The following GALNT13 variants were observed in gnomAD, a reference collection of about 807,000 sequenced individuals.
The protein encoded by GALNT13 is polypeptide N-acetylgalactosaminyltransferase 13.
In GALNT13, 28 loss-of-function variants were observed where a neutral mutation model predicts 64.2. That is an observed-to-expected ratio of 0.44 (90% CI 0.32 to 0.60). GALNT13 has a LOEUF of 0.60. Ranked by LOEUF, GALNT13 falls within the 20% of genes least tolerant of loss-of-function variation. The pLI, the probability that GALNT13 is intolerant of heterozygous loss-of-function variation, is 0.05. For synonymous variants in GALNT13, 214 were observed against 224.6 expected (o/e 0.95, Z 0.42); for missense variants, 577 against 669.8 (o/e 0.86, Z 1.53).
At chr2:153,553,239 G>GTGGTGGCTCACACC in the GALNT13 span, among the ~76,000 whole-genome samples, 19,828 of 152,128 alleles carry the variant, frequency 0.13, 2,463 homozygotes, top group East Asian at 0.4. Context: ...TTGGCCACAT[G>GTGGTGGCTCACACC]TGTAATCCCA....
chr2:153,788,888 C>T, the GALNT13 span, among the ~76,000 whole-genome samples: 1 of 152,122 alleles, frequency 6.6e-6, no homozygotes, highest in African/African-American at 2.4e-5. Flanking sequence ...TTCAATTCAA[C>T]AAGAAGACCT....
the GALNT13 span, among the ~76,000 whole-genome samples, chr2:153,636,689 G>A: frequency 6.6e-6 from 1 of 152,062 alleles, no homozygotes; most frequent in Non-Finnish European, 1.5e-5. Context: ...TTCTAGTAGG[G>A]CCAGGGCTCT....
chr2:153,177,092 T>C, the GALNT13 span, among the ~76,000 whole-genome samples: 1 of 136,888 alleles, frequency 7.3e-6, no homozygotes, highest in Non-Finnish European at 1.7e-5. Context: ...TGTAGGTAAG[T>C]ACAAATAGCA....
At chr2:153,866,477 A>G in the GALNT13 span, among the ~76,000 whole-genome samples, 1 of 152,190 alleles carries the variant, frequency 6.6e-6, no homozygotes, top group Admixed American at 6.5e-5. Flanking sequence ...AAATATATAC[A>G]AATCACCGTC....
At chr2:153,666,745 G>C in the GALNT13 span, among the ~76,000 whole-genome samples, 2 of 152,186 alleles carry the variant, frequency 1.3e-5, no homozygotes, top group African/African-American at 2.4e-5. Flanking sequence ...GCTCTGGCAA[G>C]TTAAAAGCCA....
At chr2:154,159,800 G>A (rs1415433090) in intron 4 of GALNT13, among the ~76,000 whole-genome samples, 3 of 152,112 alleles carry the variant, frequency 2.0e-5, no homozygotes, top group African/African-American at 4.8e-5. Context: ...TGTAATTGAG[G>A]TAGTCGGAAT....
At chr2:153,244,628 G>T in the GALNT13 span, among the ~76,000 whole-genome samples, 6 of 152,334 alleles carry the variant, frequency 3.9e-5, no homozygotes, top group East Asian at 1.2e-3. Context: ...CATGGTTTTT[G>T]TCTGGAGATC....
the GALNT13 span, among the ~76,000 whole-genome samples, chr2:153,672,156 T>G: frequency 3.3e-5 from 5 of 152,136 alleles, no homozygotes; most frequent in African/African-American, 1.2e-4. Context: ...GACAGAAAAT[T>G]AACAAGGATA....
chr2:153,201,216 A>G, the GALNT13 span, among the ~76,000 whole-genome samples: 1 of 152,170 alleles, frequency 6.6e-6, no homozygotes, highest in Non-Finnish European at 1.5e-5. Flanking sequence ...CTAGCCCTGT[A>G]GATGTGGCAA....
chr2:153,384,399 C>T, the GALNT13 span, among the ~76,000 whole-genome samples: 1 of 151,996 alleles, frequency 6.6e-6, no homozygotes, highest in Non-Finnish European at 1.5e-5. Flanking sequence ...AGGGACTACC[C>T]TTAGAAGCAG....
intron 10 of GALNT13, among the ~76,000 whole-genome samples, chr2:154,401,515 T>A (rs961252141): frequency 6.6e-6 from 1 of 152,152 alleles, no homozygotes; most frequent in Non-Finnish European, 1.5e-5. Flanking sequence ...ATGTCACCCT[T>A]TATTGGATGG....
chr2:153,836,128 CTA>C, the GALNT13 span, among the ~76,000 whole-genome samples: 1 of 151,994 alleles, frequency 6.6e-6, no homozygotes, highest in African/African-American at 2.4e-5. Flanking sequence ...GCAATCTCAG[CTA>C]TGTCTTTGAC....
At chr2:153,913,728 G>C (rs1370117072) in intron 2 of GALNT13, among the ~76,000 whole-genome samples, 1 of 152,122 alleles carries the variant, frequency 6.6e-6, no homozygotes, top group Admixed American at 6.5e-5. Flanking sequence ...CCAGGAATAA[G>C]TCCTGGTGAA....
the GALNT13 span, among the ~76,000 whole-genome samples, chr2:153,662,684 C>T: frequency 6.6e-6 from 1 of 152,104 alleles, no homozygotes; most frequent in African/African-American, 2.4e-5. Flanking sequence ...AATCAAATTG[C>T]CTCTCTGTAG....
the GALNT13 span, among the ~76,000 whole-genome samples, chr2:153,657,488 C>T: frequency 6.6e-6 from 1 of 151,914 alleles, no homozygotes; most frequent in East Asian, 1.9e-4. Flanking sequence ...CTGATTTCAC[C>T]CCCATTTTAC....
the GALNT13 span, among the ~76,000 whole-genome samples, chr2:153,093,909 T>C: frequency 2.0e-5 from 3 of 152,170 alleles, no homozygotes; most frequent in Admixed American, 2.0e-4. Context: ...TCTTGCTAGG[T>C]TGTGTGTATC....
chr2:154,041,637 T>C (rs1459839564), intron 3 of GALNT13, among the ~76,000 whole-genome samples: 1 of 140,778 alleles, frequency 7.1e-6, no homozygotes, highest in African/African-American at 2.4e-5. Context: ...GGGCATTCTG[T>C]TAAGAATATA....
chr2:153,551,356 A>C, the GALNT13 span, among the ~76,000 whole-genome samples: 1 of 152,200 alleles, frequency 6.6e-6, no homozygotes, highest in African/African-American at 2.4e-5. Flanking sequence ...CTGAGGAGTG[A>C]CATGATATGA....
At chr2:153,086,429 G>A in the GALNT13 span, among the ~76,000 whole-genome samples, 2 of 152,142 alleles carry the variant, frequency 1.3e-5, no homozygotes, top group Non-Finnish European at 2.9e-5. Context: ...GGGGCCAGGT[G>A]TACATAATTG....
Sources: gnomAD v4.1 joint callset for allele counts (sites outside exome capture counted in the v4.1 genomes callset) on GRCh38, gnomAD v4.1.1 for gene constraint, MANE v1.5 for transcripts, NCBI Gene and HGNC (gene_info 2026-07-23, HGNC 2026-07-21) for gene names.